HNF4G: variants seen among roughly 807,000 people sequenced by gnomAD.
The protein encoded by HNF4G is hepatocyte nuclear factor 4-gamma.
Under a neutral mutation model 50.9 loss-of-function variants are expected in HNF4G, and 21 were observed. The ratio of observed to expected loss-of-function variants is 0.41; its 90% confidence interval spans 0.29 to 0.59. The LOEUF is 0.59. HNF4G is among the 20% of genes least tolerant of loss of function. The probability of loss-of-function intolerance (pLI) is 0.26; values close to 1 mark genes in which losing one functional copy is unlikely to be tolerated. For synonymous variants in HNF4G, 198 were observed against 185.6 expected (o/e 1.07, Z -0.54); for missense variants, 527 against 559.4 (o/e 0.94, Z 0.58).
rs553959497 is a variant in HNF4G at position 75,564,098 on chromosome 8, A to G, written c.*2A>G. 3 of 1,613,150 alleles carry G rather than the reference A, an allele frequency of 1.9e-6. No homozygotes were observed. The highest frequency in any genetic ancestry group is 1.7e-5 in the Admixed American group (1 of 59,978). On this transcript the variant is annotated 3_prime_UTR_variant, in exon 10 of 10. Transcript: ENST00000396423. ...CTCTCCAAACAAAAGCAATTGTGAA[A>G]ATGTGTTTACTTCAGAACGGCACTA...
intron 1 of HNF4G, among the ~76,000 whole-genome samples, chr8:75,444,475 C>A (rs1811372018): frequency 7.6e-6 from 1 of 131,992 alleles, no homozygotes; most frequent in Non-Finnish European, 1.6e-5. Context: ...TTAAAAGACA[C>A]AGACTGGCAA....
At chr8:75,410,944 G>A (rs1224858791) in intron 1 of HNF4G, among the ~76,000 whole-genome samples, 1 of 152,122 alleles carries the variant, frequency 6.6e-6, no homozygotes, top group Non-Finnish European at 1.5e-5. Flanking sequence ...ATATAGATCA[G>A]GTAATTCTTA....
chr8:75,537,984 C>T (rs1806514237), upstream of HNF4G, among the ~76,000 whole-genome samples: 1 of 152,160 alleles, frequency 6.6e-6, no homozygotes, highest in Non-Finnish European at 1.5e-5. Context: ...TTTGTACTCT[C>T]CTTCAGAGAA....
chr8:75,434,705 C>CAT (rs1554568593), intron 1 of HNF4G, among the ~76,000 whole-genome samples: 2 of 151,692 alleles, frequency 1.3e-5, no homozygotes, highest in Non-Finnish European at 2.9e-5. Context: ...CACACACACA[C>CAT]ATACACAAAT....
intron 1 of HNF4G, among the ~76,000 whole-genome samples, chr8:75,443,433 T>C (rs77533004): frequency 1.2e-4 from 19 of 152,324 alleles, no homozygotes; most frequent in African/African-American, 4.6e-4. Context: ...AAAATACATA[T>C]TAAAAGGATA....
intron 2 of HNF4G, among the ~76,000 whole-genome samples, chr8:75,506,484 A>T (rs925643668): frequency 6.6e-6 from 1 of 152,128 alleles, no homozygotes; most frequent in East Asian, 1.9e-4. Context: ...TTAAATGTAC[A>T]TGGGGAGAAA....
At chr8:75,471,353 T>A (rs987148405) in intron 1 of HNF4G, among the ~76,000 whole-genome samples, 1 of 152,196 alleles carries the variant, frequency 6.6e-6, no homozygotes. Context: ...ATTTCTGCAG[T>A]ATATCTAAGC....
At chr8:75,494,931 T>A (rs1295948291) in intron 2 of HNF4G, among the ~76,000 whole-genome samples, 1 of 152,192 alleles carries the variant, frequency 6.6e-6, no homozygotes, top group African/African-American at 2.4e-5. Context: ...AGCAAGGTGA[T>A]GTTTTTGGTG....
chr8:75,494,682 A>AT (rs149898738), intron 2 of HNF4G, among the ~76,000 whole-genome samples: 2 of 150,838 alleles, frequency 1.3e-5, no homozygotes, highest in African/African-American at 2.4e-5. Flanking sequence ...AGTGGTCATT[A>AT]TTTTTTTTTG....
chr8:75,469,155 CT>C (rs200796539), intron 1 of HNF4G, among the ~76,000 whole-genome samples: 2 of 151,190 alleles, frequency 1.3e-5, no homozygotes, highest in Non-Finnish European at 3.0e-5. Context: ...ATTGGAAAAT[CT>C]TTTTTTTTGG....
At chr8:75,540,859 G>GTGTGTGTA (rs1394618653) in intron 1 of HNF4G, among the ~76,000 whole-genome samples, 1 of 151,296 alleles carries the variant, frequency 6.6e-6, no homozygotes, top group Non-Finnish European at 1.5e-5. Context: ...GTATGTGTGT[G>GTGTGTGTA]TGTGTGTGTG....
intron 1 of HNF4G, among the ~76,000 whole-genome samples, chr8:75,445,907 G>T: frequency 3.0e-5 from 1 of 33,458 alleles, no homozygotes; most frequent in Non-Finnish European, 5.4e-5. Context: ...AGAAAAAGAG[G>T]GAATCCTCCC....
intron 9 of HNF4G, among the ~76,000 whole-genome samples, chr8:75,563,292 G>A (rs1807367021): frequency 6.6e-6 from 1 of 152,074 alleles, no homozygotes; most frequent in South Asian, 2.1e-4. Flanking sequence ...TCTAGACAAT[G>A]AAGTTTTGAA....
At chr8:75,558,169 G>A (rs2941471) in intron 6 of HNF4G, among the ~76,000 whole-genome samples, 97,672 of 152,068 alleles carry the variant, frequency 0.64, 33,123 homozygotes, top group African/African-American at 0.87. Flanking sequence ...GGTTTGTATT[G>A]TAGTCATTAG....
chr8:75,448,383 A>G (rs1811479650), intron 1 of HNF4G, among the ~76,000 whole-genome samples: 1 of 147,838 alleles, frequency 6.8e-6, no homozygotes, highest in Admixed American at 6.8e-5. Context: ...TACATATGTA[A>G]CTAACCTGCA....
chr8:75,489,913 C>T (rs1812583708), intron 1 of HNF4G, among the ~76,000 whole-genome samples: 1 of 152,186 alleles, frequency 6.6e-6, no homozygotes, highest in Non-Finnish European at 1.5e-5. Context: ...CTAGAGTTTT[C>T]TTAAGTATAA....
intron 2 of HNF4G, among the ~76,000 whole-genome samples, chr8:75,526,772 T>C (rs1223461423): frequency 2.6e-5 from 4 of 151,282 alleles, no homozygotes; most frequent in Admixed American, 2.0e-4. Context: ...AAGCATTCTT[T>C]TTTTTTTTCT....
chr8:75,560,496 A>G, intron 9 of HNF4G, 30 bp downstream of exon 9: 2 of 1,585,366 alleles, frequency 1.3e-6, no homozygotes, highest in Admixed American at 1.8e-5. Flanking sequence ...TTCAACCAAG[A>G]TATTTCTTAA....
At chr8:75,408,912 CT>C (rs752406336) in intron 1 of HNF4G, among the ~76,000 whole-genome samples, 26 of 152,238 alleles carry the variant, frequency 1.7e-4, no homozygotes, top group Admixed American at 2.6e-4. Context: ...TTAGTTTCTT[CT>C]GCTTTCTCGT....
Sources: gnomAD v4.1 joint callset for allele counts (sites outside exome capture counted in the v4.1 genomes callset) on GRCh38, gnomAD v4.1.1 for gene constraint, MANE v1.5 for transcripts, NCBI Gene and HGNC (gene_info 2026-07-23, HGNC 2026-07-21) for gene names.